Variants in PRKCH observed in about 807,000 individuals in gnomAD.
PRKCH encodes protein kinase C eta, also known as protein kinase C eta type.
PRKCH carries 28 observed loss-of-function variants against 82.5 expected under a neutral mutation model. That is an observed-to-expected ratio of 0.34 (90% CI 0.25 to 0.47). PRKCH has a LOEUF of 0.47. Among genes scored for constraint, PRKCH ranks in the 20% least tolerant of loss-of-function variants. The pLI, the probability that PRKCH is intolerant of heterozygous loss-of-function variation, is 1.00. For synonymous variants in PRKCH, 322 were observed against 327.4 expected (o/e 0.98, Z 0.18); for missense variants, 705 against 881.8 (o/e 0.80, Z 2.54).
rs1014849251 is a variant in PRKCH, at chr14:61,195,640, C to T, written c.-19+7972C>T. Among the ~76,000 whole-genome samples the T allele has an allele frequency of 3.3e-5, 5 of 152,322 alleles. 1 individual carries two copies. The highest frequency in any genetic ancestry group is 6.5e-5 in the Admixed American group (1 of 15,298). ...ATTAGAATTAAGAATCAGGGCATAT[C>T]TCCCGGGAAGACACCTTGGACTGAA... On this transcript the variant is annotated intron_variant, in intron 1 of 3. Coordinates refer to the PRKCH transcript ENST00000555185.
intron 1 of PRKCH, among the ~76,000 whole-genome samples, chr14:61,202,865 GA>G (rs1376714856): frequency 1.3e-5 from 2 of 151,986 alleles, no homozygotes; most frequent in East Asian, 3.9e-4. Context: ...GAGCCAATAT[GA>G]ATACATTATC....
intron 10 of PRKCH, among the ~76,000 whole-genome samples, chr14:61,486,990 A>G (rs1419955050): frequency 6.6e-6 from 1 of 152,242 alleles, no homozygotes; most frequent in Non-Finnish European, 1.5e-5. Flanking sequence ...TCATTATTAA[A>G]TTATAAGAGC....
At chr14:61,541,724 A>T (rs1775501049) in intron 12 of PRKCH, among the ~76,000 whole-genome samples, 1 of 152,248 alleles carries the variant, frequency 6.6e-6, no homozygotes, top group Non-Finnish European at 1.5e-5. Context: ...ATTTTGAAAG[A>T]GGAAAAAAAT....
intron 1 of PRKCH, among the ~76,000 whole-genome samples, chr14:61,368,579 A>G (rs1241602949): frequency 6.6e-6 from 1 of 152,142 alleles, no homozygotes; most frequent in African/African-American, 2.4e-5. Context: ...CTTAGGCCAC[A>G]TGAGTGATCC....
At chr14:61,499,710 A>G (rs1886815844) in intron 10 of PRKCH, among the ~76,000 whole-genome samples, 1 of 152,032 alleles carries the variant, frequency 6.6e-6, no homozygotes, top group Non-Finnish European at 1.5e-5. Context: ...TGAATATCCA[A>G]CATCTGCCGA....
chr14:61,336,888 G>C (rs563800097), intron 1 of PRKCH, among the ~76,000 whole-genome samples: 1 of 152,050 alleles, frequency 6.6e-6, no homozygotes, highest in South Asian at 2.1e-4. Context: ...AGCCAGCATG[G>C]TGAAACTCTG....
chr14:61,401,134 G>A (rs936822773), intron 2 of PRKCH, among the ~76,000 whole-genome samples: 1 of 152,156 alleles, frequency 6.6e-6, no homozygotes, highest in Non-Finnish European at 1.5e-5. Flanking sequence ...ATTCACCCAG[G>A]AAAGGTGCAG....
Position 61,288,640 on chromosome 14 carries a change from A to T in PRKCH, c.-19+100972A>T, listed in dbSNP as rs568102821. On this transcript the variant is annotated intron_variant, in intron 1 of 3. Transcript: ENST00000555185. ...TTCTTTCTGTAGGAAAAGTTCTGTGAGGATGGCTGCATTGTGTCAACTTCT... is the reference window on the plus strand; with the variant it reads ...TTCTTTCTGTAGGAAAAGTTCTGTGTGGATGGCTGCATTGTGTCAACTTCT... Among the ~76,000 whole-genome samples, 4 of 152,308 alleles carry T rather than the reference A, an allele frequency of 2.6e-5. No homozygotes were observed. In the East Asian group the frequency reaches 7.7e-4, roughly 29 times the overall value.
At chr14:61,501,557 A>C (rs1158112349) in intron 10 of PRKCH, among the ~76,000 whole-genome samples, 1 of 151,574 alleles carries the variant, frequency 6.6e-6, no homozygotes, top group Admixed American at 6.6e-5. Flanking sequence ...TTCATTTGTT[A>C]TCCCTCAATT....
chr14:61,245,471 G>A (rs192472146), intron 1 of PRKCH, among the ~76,000 whole-genome samples: 102 of 152,334 alleles, frequency 6.7e-4, no homozygotes, highest in African/African-American at 2.4e-3. Flanking sequence ...GTTAAGTGCA[G>A]GGAATTAATC....
At chr14:61,231,551 T>C (rs1434120158) in intron 1 of PRKCH, among the ~76,000 whole-genome samples, 3 of 151,918 alleles carry the variant, frequency 2.0e-5, no homozygotes, top group African/African-American at 4.8e-5. Context: ...TTTTTGTATT[T>C]TTAGTAGAGA....
At chr14:61,449,304 G>C (rs1884375229) in intron 5 of PRKCH, 52 bp downstream of exon 5, 3 of 1,462,424 alleles carry the variant, frequency 2.1e-6, no homozygotes, top group South Asian at 1.1e-5. Flanking sequence ...TGTGTATGCT[G>C]TGTACCGCCG....
Position 61,280,792 on chromosome 14 carries a change from T to C in PRKCH, c.-19+93124T>C. The C allele has an allele frequency of 6.4e-7, 1 of 1,556,908 alleles. No individual in the cohort carries two copies. Among genetic ancestry groups the C allele is most frequent in the Non-Finnish European group, 8.6e-7 (1 of 1,160,322 alleles). Reference sequence around the variant, plus strand: ...GGACACGCCGTAGCGCCGGTTGTTCTGGTAGAAGTTGGTCAGCTCGTAGTA... The same window carrying C: ...GGACACGCCGTAGCGCCGGTTGTTCCGGTAGAAGTTGGTCAGCTCGTAGTA... On this transcript the variant is annotated intron_variant, in intron 1 of 3. Transcript: ENST00000555185. This position sits in a 1 kb window ranked among gnomAD's most constrained non-coding sequence, Gnocchi z 5.0.
At chr14:61,346,408 C>T (rs1313089907) in intron 1 of PRKCH, among the ~76,000 whole-genome samples, 1 of 152,194 alleles carries the variant, frequency 6.6e-6, no homozygotes, top group Non-Finnish European at 1.5e-5. Flanking sequence ...TCATGTTGTA[C>T]GTTCTGCAAA....
chr14:61,414,346 C>T (rs957766723), intron 2 of PRKCH, among the ~76,000 whole-genome samples: 1 of 148,918 alleles, frequency 6.7e-6, no homozygotes, highest in Non-Finnish European at 1.5e-5. Context: ...GACCTTGGCT[C>T]ACTACATCCT....
At chr14:61,476,818 T>A (rs558549300) in intron 9 of PRKCH, among the ~76,000 whole-genome samples, 7 of 152,332 alleles carry the variant, frequency 4.6e-5, no homozygotes, top group African/African-American at 1.7e-4. Flanking sequence ...TGCTGGGTGA[T>A]TGAATTAACC....
chr14:61,331,140 T>A (rs919526935), intron 1 of PRKCH, among the ~76,000 whole-genome samples: 52 of 151,928 alleles, frequency 3.4e-4, no homozygotes, highest in Middle Eastern at 3.4e-3. Flanking sequence ...CTAATCTATA[T>A]CTACAAAAAT....
At chr14:61,230,859 A>T (rs950434878) in intron 1 of PRKCH, among the ~76,000 whole-genome samples, 10 of 152,222 alleles carry the variant, frequency 6.6e-5, no homozygotes, top group Non-Finnish European at 1.2e-4. Context: ...TAAAATAGTC[A>T]CAAAGGTGTG....
At position 61,547,737 on chromosome 14, in the gene PRKCH, A is replaced by C; in HGVS notation, c.1762-6A>C. 6.2e-7 allele frequency: 1 copy of C among 1,611,254 alleles called. No individual in the cohort carries two copies. The highest frequency in any genetic ancestry group is 8.5e-7 in the Non-Finnish European group (1 of 1,178,446). ...ATGATTGACACTTTCTCTCTCTCTC[A>C]CTCAGTTCATGACCAAGAACCCCAC... is the stretch of plus-strand genomic sequence containing the variant. On this transcript the variant is annotated splice_region_variant and splice_polypyrimidine_tract_variant and intron_variant, in intron 12 of 13. Transcript: ENST00000332981.
Sources: allele counts gnomAD v4.1 joint callset (sites outside exome capture counted in the v4.1 genomes callset), GRCh38; gene constraint gnomAD v4.1.1; non-coding constraint Gnocchi (gnomAD v3.1); transcripts MANE v1.5; gene names NCBI Gene and HGNC (gene_info 2026-07-23, HGNC 2026-07-21).